The following PEX7 variants were observed in gnomAD, a reference collection of about 807,000 sequenced individuals.
PEX7 encodes the protein peroxisomal biogenesis factor 7.
PEX7 carries 34 observed loss-of-function variants against 47.5 expected under a neutral mutation model. The ratio of observed to expected loss-of-function variants is 0.72; its 90% CI spans 0.54 to 0.95. The LOEUF is 0.95. Among genes scored for constraint, PEX7 ranks in the 40% least tolerant of loss-of-function variants. The pLI is 0.00. For missense variants in PEX7, 394 were observed against 400.3 expected (o/e 0.98, Z 0.13); for synonymous variants, 141 against 148.8 (o/e 0.95, Z 0.38).
intron 7 of PEX7, 80 bp downstream of exon 7, chr6:136,870,083 TG>T (rs1775147442): frequency 2.2e-6 from 2 of 914,544 alleles, no homozygotes; most frequent in Non-Finnish European, 3.4e-6. Flanking sequence ...AAAAGTGTTC[TG>T]GGTTTAGGGA....
intron 1 of PEX7, 61 bp downstream of exon 1, chr6:136,822,856 C>T (rs537287050): frequency 1.9e-6 from 2 of 1,056,792 alleles, no homozygotes; most frequent in Non-Finnish European, 2.4e-6. Context: ...GCCAGCCGGG[C>T]TCCAGTTCCT....
intron 8 of PEX7, among the ~76,000 whole-genome samples, chr6:136,894,841 CA>C (rs1404276748): frequency 1.3e-5 from 2 of 152,140 alleles, no homozygotes. Context: ...AGCAAAGAGA[CA>C]AAAAGGCACC....
At chr6:136,874,636 TCCAG>T (rs1401664852) in intron 8 of PEX7, among the ~76,000 whole-genome samples, 1 of 140,024 alleles carries the variant, frequency 7.1e-6, no homozygotes, top group Non-Finnish European at 1.5e-5. Context: ...ACCACTGCAC[TCCAG>T]CCTGGGTGAC....
At chr6:136,909,366 C>A (rs575966378) in intron 9 of PEX7, among the ~76,000 whole-genome samples, 5 of 152,244 alleles carry the variant, frequency 3.3e-5, no homozygotes, top group African/African-American at 1.2e-4. Context: ...GTTGCTTTTA[C>A]CCACATCTCT....
At position 136,898,356 on chromosome 6, in the gene PEX7, C is replaced by A. The variant is rs991856374; in HGVS notation, c.903+115C>A. 6 of 733,664 alleles carry A rather than the reference C, an allele frequency of 8.2e-6. No individual in the cohort carries two copies. In the East Asian group the frequency reaches 1.6e-4, roughly 19 times the overall value. 45.4% of individuals were successfully genotyped at this position (733,664 alleles called of 1,614,324 possible). On this transcript the variant is annotated intron_variant, in intron 9 of 9. Transcript: ENST00000318471. ...GCCATTTTAGCTATATAAGCTGGAG[C>A]GTTTGAGCATTAAACTACTAGGGAA...
chr6:136,904,679 T>C (rs1226856720), intron 9 of PEX7, among the ~76,000 whole-genome samples: 3 of 151,292 alleles, frequency 2.0e-5, no homozygotes, highest in African/African-American at 7.3e-5. Context: ...AGATGTGACA[T>C]GCTCCTCCTT....
At chr6:136,844,586 A>G (rs928885624) in intron 3 of PEX7, among the ~76,000 whole-genome samples, 1 of 152,184 alleles carries the variant, frequency 6.6e-6, no homozygotes, top group Non-Finnish European at 1.5e-5. Flanking sequence ...CATGGTGTAC[A>G]TTGAATCTCT....
intron 9 of PEX7, among the ~76,000 whole-genome samples, chr6:136,899,231 A>G (rs1007971276): frequency 6.2e-5 from 9 of 146,016 alleles, no homozygotes; most frequent in Non-Finnish European, 1.2e-4. Context: ...CAGGCATGCA[A>G]CACCACACCC....
intron 3 of PEX7, among the ~76,000 whole-genome samples, chr6:136,841,517 C>G (rs1774497328): frequency 6.6e-6 from 1 of 152,188 alleles, no homozygotes; most frequent in Non-Finnish European, 1.5e-5. Flanking sequence ...CTCAGTCTTT[C>G]TCTTCTGAGC....
intron 5 of PEX7, among the ~76,000 whole-genome samples, chr6:136,852,841 C>T (rs545676680): frequency 2.5e-5 from 2 of 79,282 alleles, no homozygotes; most frequent in Admixed American, 1.6e-4. Flanking sequence ...AAAAAAGAGC[C>T]CGCATCGCCA....
chr6:136,897,760 A>G (rs1006556380), intron 8 of PEX7, among the ~76,000 whole-genome samples: 1 of 152,230 alleles, frequency 6.6e-6, no homozygotes, highest in African/African-American at 2.4e-5. Context: ...ATTTAATTCA[A>G]TATCCTTATT....
chr6:136,841,118 A>T (rs535406651), intron 3 of PEX7, among the ~76,000 whole-genome samples: 2 of 152,208 alleles, frequency 1.3e-5, no homozygotes, highest in Non-Finnish European at 2.9e-5. Flanking sequence ...GTAGGTGCTC[A>T]ATAAATATTT....
intron 3 of PEX7, among the ~76,000 whole-genome samples, chr6:136,838,821 G>C (rs1046857931): frequency 2.6e-5 from 4 of 152,064 alleles, no homozygotes; most frequent in Non-Finnish European, 5.9e-5. Flanking sequence ...GTGCCTGGGG[G>C]TTTATTATAC....
At chr6:136,892,725 A>G (rs1775578361) in intron 8 of PEX7, among the ~76,000 whole-genome samples, 1 of 152,258 alleles carries the variant, frequency 6.6e-6, no homozygotes, top group African/African-American at 2.4e-5. Flanking sequence ...ATAGATTTGT[A>G]TTAAGAAATA....
At chr6:136,825,089 G>A in intron 1 of PEX7, 125 bp from the exon 2 acceptor site, 1 of 775,514 alleles carries the variant, frequency 1.3e-6, no homozygotes, top group Non-Finnish European at 2.3e-6. Context: ...GGTATTCAAG[G>A]TCCCAAATAC....
At chr6:136,846,789 C>T (rs1047163038) in intron 5 of PEX7, among the ~76,000 whole-genome samples, 4 of 152,064 alleles carry the variant, frequency 2.6e-5, no homozygotes, top group African/African-American at 9.7e-5. Context: ...TTGTGCATAG[C>T]GCCGCAGTAA....
intron 3 of PEX7, among the ~76,000 whole-genome samples, chr6:136,844,426 A>G (rs749444238): frequency 5.9e-5 from 9 of 152,230 alleles, no homozygotes; most frequent in South Asian, 2.1e-4. Flanking sequence ...ATCTAAATAT[A>G]TCTTGAGTAA....
At chr6:136,890,475 C>A (rs1775535509) in intron 8 of PEX7, among the ~76,000 whole-genome samples, 1 of 152,090 alleles carries the variant, frequency 6.6e-6, no homozygotes, top group Non-Finnish European at 1.5e-5. Context: ...TTACCTCAAG[C>A]TTTCATGTCC....
At chr6:136,902,516 A>G (rs958210516) in intron 9 of PEX7, among the ~76,000 whole-genome samples, 19 of 152,302 alleles carry the variant, frequency 1.2e-4, no homozygotes, top group African/African-American at 4.6e-4. Flanking sequence ...TTTAAGGATA[A>G]TTGCTGAGAA....
Sources: allele counts gnomAD v4.1 joint callset (sites outside exome capture counted in the v4.1 genomes callset), GRCh38; gene constraint gnomAD v4.1.1; transcripts MANE v1.5; gene names NCBI Gene and HGNC (gene_info 2026-07-23, HGNC 2026-07-21).